The following PDE1C variants were observed in gnomAD, a reference collection of about 807,000 sequenced individuals.
The protein encoded by PDE1C is phosphodiesterase 1C, also known as dual specificity calcium/calmodulin-dependent 3',5'-cyclic nucleotide phosphodiesterase 1C.
Under a neutral mutation model 93.1 loss-of-function variants are expected in PDE1C, and 62 were observed. That is an observed-to-expected ratio of 0.67 (90% CI 0.54 to 0.82). The LOEUF is 0.82. Among genes scored for constraint, PDE1C ranks in the 40% least tolerant of loss-of-function variants. The probability of loss-of-function intolerance (pLI) is 0.00; values close to 1 mark genes in which losing one functional copy is unlikely to be tolerated. For synonymous variants in PDE1C, 325 were observed against 310.1 expected (o/e 1.05, Z -0.50); for missense variants, 742 against 884.6 (o/e 0.84, Z 2.04).
chr7:31,864,931 T>A lies in PDE1C; in HGVS notation c.750+11A>T. ...CTTTTGGGGAACCTAAGAGTTCCTA[T>A]CCCTACTTACCGCCACTCCTGTCTT... On this transcript the variant is annotated intron_variant, in intron 7 of 17. Transcript: ENST00000396191. 6.2e-7 allele frequency: 1 copy of A among 1,612,474 alleles called. No homozygotes were observed. The highest frequency in any genetic ancestry group is 8.5e-7 in the Non-Finnish European group (1 of 1,178,670).
At chr7:31,844,542 A>T (rs1792308135) in intron 9 of PDE1C, among the ~76,000 whole-genome samples, 1 of 151,852 alleles carries the variant, frequency 6.6e-6, no homozygotes, top group African/African-American at 2.4e-5. Context: ...TTGTTCTCCT[A>T]AGTGTAATTT....
the PDE1C span, among the ~76,000 whole-genome samples, chr7:31,631,482 AT>A: frequency 6.6e-6 from 1 of 152,172 alleles, no homozygotes; most frequent in Non-Finnish European, 1.5e-5. Flanking sequence ...AATGATCTTT[AT>A]TTTTTATTTA....
In PDE1C at chr7:31,912,138, A is replaced by G. The variant is rs554012574; in HGVS notation, c.129-31278T>C. Among the ~76,000 whole-genome samples the G allele has an allele frequency of 8.9e-4, 135 of 152,338 alleles. 1 individual carries two copies. Among genetic ancestry groups the G allele is most frequent in the Non-Finnish European group, 1.2e-3 (83 of 68,032 alleles). ...ACCAAATTATATATATGTACAGGTC[A>G]CCATGATCAGTAAGGAGGAGAAAAG... is the stretch of plus-strand genomic sequence containing the variant. On this transcript the variant is annotated intron_variant, in intron 2 of 17. Transcript: ENST00000396191.
intron 7 of PDE1C, among the ~76,000 whole-genome samples, chr7:31,857,175 C>A (rs1428112153): frequency 6.6e-6 from 1 of 152,222 alleles, no homozygotes; most frequent in East Asian, 1.9e-4. Context: ...CAATTTAGCC[C>A]ATATAGCTAC....
At chr7:31,946,204 G>A (rs1301132416) in intron 2 of PDE1C, among the ~76,000 whole-genome samples, 3 of 152,120 alleles carry the variant, frequency 2.0e-5, no homozygotes, top group Non-Finnish European at 4.4e-5. Flanking sequence ...TTATGTTGGG[G>A]AAAAGCTGAG....
chr7:32,283,015 G>GA (rs775710397), intron 1 of PDE1C, among the ~76,000 whole-genome samples: 1 of 152,176 alleles, frequency 6.6e-6, no homozygotes, highest in Non-Finnish European at 1.5e-5. Flanking sequence ...GAGTTGTTTA[G>GA]AATGTACATT....
chr7:32,381,716 G>C (rs1409800577), intron 1 of PDE1C, among the ~76,000 whole-genome samples: 1 of 152,072 alleles, frequency 6.6e-6, no homozygotes, highest in East Asian at 1.9e-4. Context: ...GTCCAAAATA[G>C]CCTTCTCCAG....
the PDE1C span, among the ~76,000 whole-genome samples, chr7:31,634,209 C>T: frequency 6.6e-6 from 1 of 152,086 alleles, no homozygotes; most frequent in Non-Finnish European, 1.5e-5. Context: ...AGCAGGGTCC[C>T]CCTAATTGGG....
intron 2 of PDE1C, among the ~76,000 whole-genome samples, chr7:31,903,869 G>A (rs1583882338): frequency 2.0e-5 from 3 of 152,160 alleles, no homozygotes; most frequent in South Asian, 2.1e-4. Flanking sequence ...TTAGTCAAAG[G>A]ACCAATATTA....
intron 2 of PDE1C, among the ~76,000 whole-genome samples, chr7:32,034,054 C>CTATGTGTG (rs1554477356): frequency 6.7e-6 from 1 of 148,396 alleles, no homozygotes; most frequent in African/African-American, 2.5e-5. Context: ...AGATGAGAGA[C>CTATGTGTG]TGTGTGTGTG....
At chr7:32,359,143 A>C (rs928204339) in intron 1 of PDE1C, among the ~76,000 whole-genome samples, 6 of 152,114 alleles carry the variant, frequency 3.9e-5, no homozygotes, top group Admixed American at 2.6e-4. Flanking sequence ...AATCCAGTTA[A>C]GTCAGTTTAG....
chr7:31,902,597 T>A (rs1234794783), intron 2 of PDE1C, among the ~76,000 whole-genome samples: 1 of 151,778 alleles, frequency 6.6e-6, no homozygotes, highest in African/African-American at 2.4e-5. Context: ...AATAAGCATA[T>A]CCTGAAATAT....
At chr7:31,686,049 T>A in the PDE1C span, among the ~76,000 whole-genome samples, 1 of 152,198 alleles carries the variant, frequency 6.6e-6, no homozygotes, top group Non-Finnish European at 1.5e-5. Context: ...AAGCAGGCAG[T>A]TGAAACCAAG....
the PDE1C span, among the ~76,000 whole-genome samples, chr7:31,714,954 G>A: frequency 6.6e-6 from 1 of 152,132 alleles, no homozygotes. Flanking sequence ...AAGAGGTATG[G>A]GGCAGGGGGT....
At chr7:31,794,871 T>C (rs1785094808) in intron 16 of PDE1C, among the ~76,000 whole-genome samples, 1 of 151,960 alleles carries the variant, frequency 6.6e-6, no homozygotes, top group Non-Finnish European at 1.5e-5. Flanking sequence ...ATTTTAGACA[T>C]GAAACATTCT....
the PDE1C span, chr7:31,692,409 T>G: frequency 6.6e-7 from 1 of 1,522,476 alleles, no homozygotes; most frequent in Non-Finnish European, 9.1e-7. Flanking sequence ...TCCTTAGTGC[T>G]GGAGAAGAAA....
At chr7:31,966,316 C>A (rs1370429723) in intron 2 of PDE1C, among the ~76,000 whole-genome samples, 1 of 152,108 alleles carries the variant, frequency 6.6e-6, no homozygotes. Flanking sequence ...ATCCTAGTCT[C>A]AGATAAAACA....
At chr7:32,116,789 C>T (rs1444408424) in intron 3 of PDE1C, among the ~76,000 whole-genome samples, 1 of 152,146 alleles carries the variant, frequency 6.6e-6, no homozygotes, top group Non-Finnish European at 1.5e-5. Context: ...TCCCCTTTTG[C>T]TATTGCTTAG....
intron 2 of PDE1C, among the ~76,000 whole-genome samples, chr7:32,005,986 A>AT (rs1786198176): frequency 6.6e-6 from 1 of 152,050 alleles, no homozygotes; most frequent in South Asian, 2.1e-4. Flanking sequence ...CATGAAAAAT[A>AT]TTTTTTTCAA....
Sources: gnomAD v4.1 joint callset for allele counts (sites outside exome capture counted in the v4.1 genomes callset) on GRCh38, gnomAD v4.1.1 for gene constraint, MANE v1.5 for transcripts, NCBI Gene and HGNC (gene_info 2026-07-23, HGNC 2026-07-21) for gene names.